Variants in EEF1E1 observed in about 807,000 individuals in gnomAD.
The protein encoded by EEF1E1 is eukaryotic translation elongation factor 1 epsilon-1.
EEF1E1 carries 19 observed loss-of-function variants against 19.9 expected under a neutral mutation model. That is an observed-to-expected ratio of 0.95 (90% CI 0.66 to 1.40). EEF1E1 has a LOEUF of 1.40. Ranked by LOEUF, EEF1E1 falls within the 40% of genes most tolerant of loss-of-function variation. The pLI is 0.00. For synonymous variants in EEF1E1, 81 were observed against 80.0 expected, an observed-to-expected ratio of 1.01 and a Z score of -0.07; for missense variants, 198 against 202.2, an observed-to-expected ratio of 0.98 and a Z score of 0.13.
chr6:8,094,388 G>A (rs912750614), intron 2 of EEF1E1, among the ~76,000 whole-genome samples: 1 of 151,762 alleles, frequency 6.6e-6, no homozygotes, highest in African/African-American at 2.4e-5. Context: ...CTTGAGGTTA[G>A]GAATTCGAGA....
At chr6:8,080,719 A>C (rs774896622) in intron 3 of EEF1E1, among the ~76,000 whole-genome samples, 10 of 152,256 alleles carry the variant, frequency 6.6e-5, no homozygotes, top group East Asian at 1.9e-4. Flanking sequence ...AATTATTGAG[A>C]GTTATCAGGT....
chr6:8,095,429 G>T, intron 2 of EEF1E1: 1 of 369,914 alleles, frequency 2.7e-6, no homozygotes. Flanking sequence ...CTTGAACCCA[G>T]GAGGCGGAGG....
intron 3 of EEF1E1, among the ~76,000 whole-genome samples, chr6:8,073,923 C>G (rs1757535004): frequency 6.6e-6 from 1 of 152,216 alleles, no homozygotes; most frequent in Non-Finnish European, 1.5e-5. Flanking sequence ...ATTGACAGAG[C>G]AGAGCTTTAT....
downstream of EEF1E1, chr6:8,078,665 C>G (rs1336184886): frequency 7.8e-7 from 1 of 1,279,042 alleles, no homozygotes; most frequent in Admixed American, 2.4e-5. Flanking sequence ...AGTCTCCTGA[C>G]TCAGTCACTT....
chr6:8,083,983 C>G (rs182715747), intron 3 of EEF1E1, among the ~76,000 whole-genome samples: 41 of 152,218 alleles, frequency 2.7e-4, no homozygotes, highest in Admixed American at 1.0e-3. Flanking sequence ...GTCTGTGAGG[C>G]CTGTTCCTTG....
rs1409258018 is a variant in EEF1E1 at position 8,079,958 on chromosome 6, G to A, written c.457C>T (p.Pro153Ser). The A allele has an allele frequency of 4.3e-6, 7 of 1,613,498 alleles. No individual in the cohort carries two copies. In the Admixed American group the frequency reaches 1.2e-4, roughly 27 times the overall value. Residue 153 changes from proline (P) to serine (S), a missense_variant, in exon 4 of 4, where the codon CCA becomes TCA. Pro to Ser is a moderately conservative substitution (Grantham distance 74). Transcript: ENST00000379715. ...SRWFCHIQHY[P>S]GIRQHLSSVV... ...CTAGACAGATGTTGCCTGATGCCTG[G>A]ATAATGCTGAATGTGACAAAACCAG...
intron 1 of EEF1E1, 143 bp downstream of exon 1, chr6:8,102,292 C>T (rs535039802): frequency 2.0e-6 from 2 of 986,196 alleles, no homozygotes; most frequent in East Asian, 2.9e-5. Context: ...AGGCGCCAGC[C>T]GGCTAGCGGC....
downstream of EEF1E1, among the ~76,000 whole-genome samples, chr6:8,077,097 C>A (rs1471227056): frequency 1.3e-5 from 2 of 152,066 alleles, no homozygotes; most frequent in African/African-American, 2.4e-5. Flanking sequence ...GCGCCCGCCA[C>A]CACACCCAGC....
At position 8,102,544 on chromosome 6, in the gene EEF1E1, G is replaced by A; in HGVS notation, c.-23C>T. The A allele has an allele frequency of 6.2e-7, 1 of 1,606,736 alleles. No homozygotes were observed. The highest frequency in any genetic ancestry group is 8.5e-7 in the Non-Finnish European group (1 of 1,179,342). On this transcript the variant is annotated 5_prime_UTR_variant, in exon 1 of 4. Coordinates refer to ENST00000379715, the MANE Select transcript of EEF1E1 (RefSeq NM_004280.5). ...CATCTTCCGGCCGTAGCTCCTGGCA[G>A]ACGCGAGACCTGCAGAACAAGAACC...
chr6:8,080,982 G>A (rs181054444), intron 3 of EEF1E1, among the ~76,000 whole-genome samples: 5 of 152,342 alleles, frequency 3.3e-5, no homozygotes, highest in African/African-American at 1.2e-4. Context: ...CTGTTCTGCA[G>A]ACAAGCATTC....
At chr6:8,098,547 T>G (rs571985056) in intron 1 of EEF1E1, among the ~76,000 whole-genome samples, 2 of 152,294 alleles carry the variant, frequency 1.3e-5, no homozygotes, top group East Asian at 3.9e-4. Flanking sequence ...AGTAAGGAGG[T>G]AACTTCAAAG....
chr6:8,077,151 G>A (rs1581452248), downstream of EEF1E1, among the ~76,000 whole-genome samples: 1 of 152,178 alleles, frequency 6.6e-6, no homozygotes, highest in East Asian at 1.9e-4. Flanking sequence ...CACCGTGTTA[G>A]CCAGGATTGT....
At chr6:8,087,089 G>T (rs1297684226) in intron 3 of EEF1E1, among the ~76,000 whole-genome samples, 1 of 152,074 alleles carries the variant, frequency 6.6e-6, no homozygotes, top group Non-Finnish European at 1.5e-5. Flanking sequence ...AGGAAGGGAA[G>T]GGCTGGGACC....
At chr6:8,101,234 AAAAAAAAAAATATATATAT>A (rs1348487322) in intron 1 of EEF1E1, among the ~76,000 whole-genome samples, 2 of 64,562 alleles carry the variant, frequency 3.1e-5, no homozygotes, top group African/African-American at 1.6e-4. Flanking sequence ...TCAAAAAAAA[AAAAAAAAAAATATATATAT>A]ATATATATAT....
At chr6:8,089,480 A>C (rs910897513) in intron 3 of EEF1E1, among the ~76,000 whole-genome samples, 1 of 152,196 alleles carries the variant, frequency 6.6e-6, no homozygotes, top group Non-Finnish European at 1.5e-5. Context: ...CTGATGTTTG[A>C]GGGCAGAAAG....
intron 2 of EEF1E1, among the ~76,000 whole-genome samples, chr6:8,094,454 G>T (rs879616147): frequency 1.3e-5 from 2 of 151,722 alleles, no homozygotes; most frequent in African/African-American, 4.8e-5. Context: ...AAAAAAATTA[G>T]CTGGGTGTGG....
At chr6:8,083,398 T>C (rs978384747) in intron 3 of EEF1E1, among the ~76,000 whole-genome samples, 1 of 152,206 alleles carries the variant, frequency 6.6e-6, no homozygotes, top group Non-Finnish European at 1.5e-5. Flanking sequence ...AGTATTTCAG[T>C]TGATAGCAAT....
intron 1 of EEF1E1, among the ~76,000 whole-genome samples, chr6:8,101,338 A>T (rs1250263938): frequency 7.3e-6 from 1 of 137,654 alleles, no homozygotes; most frequent in African/African-American, 2.8e-5. Context: ...CATATATATT[A>T]TATTTATACT....
intron 2 of EEF1E1, among the ~76,000 whole-genome samples, chr6:8,093,370 A>T: frequency 7.0e-6 from 1 of 142,756 alleles, no homozygotes; most frequent in African/African-American, 2.6e-5. Flanking sequence ...CCATTGTCAA[A>T]CTGTTAAATA....
Sources: allele counts gnomAD v4.1 joint callset (sites outside exome capture counted in the v4.1 genomes callset), GRCh38; gene constraint gnomAD v4.1.1; transcripts MANE v1.5; gene names NCBI Gene and HGNC (gene_info 2026-07-23, HGNC 2026-07-21).